Variants in CDH8 observed in about 807,000 individuals in gnomAD.
The protein encoded by CDH8 is cadherin 8, also known as cadherin-8.
A neutral mutation model predicts 68.1 loss-of-function variants in CDH8; 17 were observed. The ratio of observed to expected loss-of-function variants is 0.25; its 90% CI spans 0.17 to 0.37. CDH8 has a LOEUF of 0.37. CDH8 is among the 10% of genes least tolerant of loss of function. The pLI, the probability that CDH8 is intolerant of heterozygous loss-of-function variation, is 1.00. For missense variants in CDH8, 763 were observed against 999.3 expected (o/e 0.76, Z 3.19); for synonymous variants, 372 against 365.1 (o/e 1.02, Z -0.21).
intron 2 of CDH8, among the ~76,000 whole-genome samples, chr16:61,977,812 T>G (rs2150580753): frequency 6.6e-6 from 1 of 152,310 alleles, no homozygotes; most frequent in Admixed American, 6.5e-5. Flanking sequence ...TTGTATTTAT[T>G]AATTTCATTT....
intron 3 of CDH8, among the ~76,000 whole-genome samples, chr16:61,881,617 G>A (rs1963579835): frequency 6.6e-6 from 1 of 152,142 alleles, no homozygotes; most frequent in African/African-American, 2.4e-5. Context: ...GATAAACTAT[G>A]ACACATAGTG....
At chr16:61,699,927 T>G (rs1964391479) in intron 10 of CDH8, among the ~76,000 whole-genome samples, 1 of 152,238 alleles carries the variant, frequency 6.6e-6, no homozygotes, top group Non-Finnish European at 1.5e-5. Context: ...TCTGCTTCTT[T>G]TCATAAGCCA....
At chr16:61,707,745 TA>T (rs1964559991) in intron 10 of CDH8, among the ~76,000 whole-genome samples, 1 of 152,146 alleles carries the variant, frequency 6.6e-6, no homozygotes, top group South Asian at 2.1e-4. Flanking sequence ...CAACTACATT[TA>T]ATATCTTTTT....
chr16:61,733,567 A>G (rs1199624793), intron 8 of CDH8, among the ~76,000 whole-genome samples: 2 of 152,046 alleles, frequency 1.3e-5, no homozygotes, highest in Non-Finnish European at 2.9e-5. Flanking sequence ...AGAATAGAGA[A>G]AACATATCAC....
chr16:62,030,817 T>G (rs1902307128), intron 1 of CDH8, among the ~76,000 whole-genome samples: 1 of 152,112 alleles, frequency 6.6e-6, no homozygotes, highest in African/African-American at 2.4e-5. Context: ...CAAAAGTACC[T>G]TATCATGGCA....
At chr16:61,902,154 AC>A (rs1481921997) in intron 2 of CDH8, among the ~76,000 whole-genome samples, 16 of 152,214 alleles carry the variant, frequency 1.1e-4, no homozygotes, top group African/African-American at 3.9e-4. Context: ...ATAGAGAAGA[AC>A]ACTGAGGCCA....
chr16:61,807,705 A>G (rs771034711), intron 7 of CDH8, among the ~76,000 whole-genome samples: 3 of 152,110 alleles, frequency 2.0e-5, no homozygotes, highest in Non-Finnish European at 4.4e-5. Flanking sequence ...TCCCCACTCC[A>G]GAGGTTTTCT....
rs1404984231 is a variant in CDH8 at position 61,959,991 on chromosome 16, T to TATATATATAC, written c.253-58519_253-58518insGTATATATAT. Among the ~76,000 whole-genome samples the TATATATATAC allele has an allele frequency of 2.1e-3, 151 of 71,342 alleles. 15 individuals carry two copies. Among genetic ancestry groups the TATATATATAC allele is most frequent in the Non-Finnish European group, 2.5e-3 (105 of 41,238 alleles). The allele number at this position is 71,342 out of a possible 152,430, so 46.8% of individuals were successfully genotyped here. A position where few individuals can be genotyped will look rare whatever the true frequency, so the allele number is the denominator to read the frequency against. ...GTGTATGTGTGTGTGTGTGTATATATATATATATATATATATATATATATA... is the reference window on the plus strand; with the variant it reads ...GTGTATGTGTGTGTGTGTGTATATATATATATATACATATATATATATATATATATATATA... On this transcript the variant is annotated intron_variant, in intron 2 of 11. Transcript: ENST00000577390.
chr16:61,911,994 A>C (rs374829612), intron 2 of CDH8, among the ~76,000 whole-genome samples: 1 of 152,134 alleles, frequency 6.6e-6, no homozygotes, highest in African/African-American at 2.4e-5. Context: ...AGCTTGATTA[A>C]CAAGAGTACT....
intron 8 of CDH8, among the ~76,000 whole-genome samples, chr16:61,730,707 A>G (rs1190297679): frequency 6.6e-6 from 1 of 151,594 alleles, no homozygotes; most frequent in Admixed American, 6.6e-5. Flanking sequence ...TATTTTATCT[A>G]TTTCTTTAGA....
intron 2 of CDH8, among the ~76,000 whole-genome samples, chr16:61,947,795 C>T (rs1510170): frequency 0.49 from 74,868 of 151,904 alleles, 20,523 homozygotes; most frequent in African/African-American, 0.75. Context: ...AATGTCAACA[C>T]TGAATTGTTA....
At chr16:62,022,967 C>T (rs940114332) in intron 1 of CDH8, among the ~76,000 whole-genome samples, 19 of 152,072 alleles carry the variant, frequency 1.2e-4, no homozygotes, top group Non-Finnish European at 2.4e-4. Context: ...GCAGCAGTTG[C>T]TTTGGAAATG....
chr16:61,769,785 C>G (rs898098500), intron 8 of CDH8, among the ~76,000 whole-genome samples: 1 of 151,916 alleles, frequency 6.6e-6, no homozygotes, highest in African/African-American at 2.4e-5. Context: ...AGCCAAACTT[C>G]ATGGCCAAAC....
chr16:61,779,425 A>ATGTG (rs10539934), intron 8 of CDH8, among the ~76,000 whole-genome samples: 14,043 of 138,814 alleles, frequency 0.1, 783 homozygotes, highest in African/African-American at 0.13. Flanking sequence ...ATGTTCGTTT[A>ATGTG]TGTGTGTGTG....
intron 2 of CDH8, among the ~76,000 whole-genome samples, chr16:61,963,131 C>G (rs2150572654): frequency 6.6e-6 from 1 of 152,258 alleles, no homozygotes; most frequent in Admixed American, 6.5e-5. Context: ...ATTGTATCTT[C>G]CATTCACTAC....
chr16:61,828,351 G>C (rs1268947429), intron 4 of CDH8, among the ~76,000 whole-genome samples: 1 of 151,852 alleles, frequency 6.6e-6, no homozygotes, highest in African/African-American at 2.4e-5. Context: ...CCTGTCTATG[G>C]AATATCCATT....
Position 61,727,207 on chromosome 16 carries a change from T to G in CDH8, c.1423A>C (p.Ser475Arg), listed in dbSNP as rs754819538. 6.2e-7 allele frequency: 1 copy of G among 1,606,970 alleles called. No individual in the cohort carries two copies. Among genetic ancestry groups the G allele is most frequent in the Non-Finnish European group, 8.5e-7 (1 of 1,175,542 alleles). ...GCAACAGGTACTCGTGATATCTGAC[T>G]GTGGTTCCCTATGGGAAGGAAAAAA... ...TIIATEIRNH[S>R]QISRVPVAIK... Residue 475 changes from serine to arginine, a missense_variant, in exon 9 of 12, where the codon AGT (serine) becomes CGT (arginine). By Grantham distance (110) the Ser-to-Arg change is moderately radical. Around this residue, in one of 2 missense-constraint regions of CDH8, gnomAD observed 397 missense variants for 436.2 expected, o/e 0.91. Coordinates refer to ENST00000577390, the MANE Select transcript of CDH8 (RefSeq NM_001796.5).
At chr16:61,879,587 C>T (rs1963530406) in intron 3 of CDH8, among the ~76,000 whole-genome samples, 2 of 152,146 alleles carry the variant, frequency 1.3e-5, no homozygotes, top group Admixed American at 6.5e-5. Context: ...TGCTCTGTGC[C>T]CTGGTCTTGG....
At chr16:61,677,424 C>T (rs565007587) in intron 10 of CDH8, among the ~76,000 whole-genome samples, 16 of 151,914 alleles carry the variant, frequency 1.1e-4, no homozygotes, top group African/African-American at 3.4e-4. Flanking sequence ...TTACTTTACA[C>T]CATGCTTTTC....
Sources: allele counts gnomAD v4.1 joint callset (sites outside exome capture counted in the v4.1 genomes callset), GRCh38; gene constraint gnomAD v4.1.1; regional missense constraint gnomAD v4.1.1; transcripts MANE v1.5; gene names NCBI Gene and HGNC (gene_info 2026-07-23, HGNC 2026-07-21).